Variants in BMP5 observed in about 807,000 individuals in gnomAD.
The protein encoded by BMP5 is bone morphogenetic protein 5.
BMP5 carries 23 observed loss-of-function variants against 46.6 expected under a neutral mutation model. That is an observed-to-expected ratio of 0.49 (90% confidence interval 0.35 to 0.70). The LOEUF (loss-of-function observed/expected upper bound fraction) is 0.70, where lower values mean the gene tolerates loss of function less well. Among genes scored for constraint, BMP5 ranks in the 30% least tolerant of loss-of-function variants. BMP5 has a pLI of 0.00. For missense variants in BMP5, 545 were observed against 565.6 expected (o/e 0.96, Z 0.37); for synonymous variants, 204 against 191.9 (o/e 1.06, Z -0.52).
intron 2 of BMP5, among the ~76,000 whole-genome samples, chr6:55,798,877 C>A (rs1319664566): frequency 6.6e-6 from 1 of 152,030 alleles, no homozygotes; most frequent in Non-Finnish European, 1.5e-5. Context: ...TGCATACATA[C>A]CTTGAGAATC....
At chr6:55,775,941 C>G (rs1775163723) in intron 3 of BMP5, among the ~76,000 whole-genome samples, 1 of 150,504 alleles carries the variant, frequency 6.6e-6, no homozygotes. Context: ...AAGGCTGCAT[C>G]AATTTAGACA....
chr6:55,841,570 C>G (rs904228680), intron 1 of BMP5, among the ~76,000 whole-genome samples: 6 of 151,862 alleles, frequency 4.0e-5, no homozygotes, highest in African/African-American at 1.5e-4. Context: ...ACTACAAGAC[C>G]AAACTCAAGG....
intron 4 of BMP5, among the ~76,000 whole-genome samples, chr6:55,766,775 C>T (rs371526417): frequency 2.0e-5 from 3 of 152,032 alleles, no homozygotes; most frequent in African/African-American, 7.2e-5. Context: ...ATACCACATT[C>T]CTCTCACATA....
At chr6:55,851,140 T>TGC (rs1032352108) in intron 1 of BMP5, among the ~76,000 whole-genome samples, 6 of 43,494 alleles carry the variant, frequency 1.4e-4, no homozygotes, top group Non-Finnish European at 2.6e-4. Flanking sequence ...TGTTTTGCTT[T>TGC]TTTTTTTTTT....
intron 6 of BMP5, among the ~76,000 whole-genome samples, 176 bp downstream of exon 6, chr6:55,758,829 C>A (rs1281883002): frequency 6.6e-6 from 1 of 151,804 alleles, no homozygotes; most frequent in African/African-American, 2.4e-5. Flanking sequence ...TTACTCTAAA[C>A]CAGCCCGAGT....
chr6:55,846,703 T>C (rs1777105681), intron 1 of BMP5, among the ~76,000 whole-genome samples: 1 of 151,902 alleles, frequency 6.6e-6, no homozygotes, highest in Non-Finnish European at 1.5e-5. Context: ...ATTTCTTGAA[T>C]GGAATGGGTT....
intron 4 of BMP5, among the ~76,000 whole-genome samples, chr6:55,770,934 T>C (rs1775033698): frequency 1.3e-5 from 2 of 151,788 alleles, no homozygotes; most frequent in Non-Finnish European, 2.9e-5. Flanking sequence ...CAATTACCAA[T>C]AAATATCAAA....
At chr6:55,757,465 C>T (rs1774637517) in intron 6 of BMP5, among the ~76,000 whole-genome samples, 1 of 151,952 alleles carries the variant, frequency 6.6e-6, no homozygotes, top group South Asian at 2.1e-4. Flanking sequence ...TTCATGTCAA[C>T]ATGAATTCTC....
In BMP5 at chr6:55,760,489, G is replaced by C; in HGVS notation, c.1072C>G (p.Leu358Val). 1 of 1,613,214 alleles carries C rather than the reference G, an allele frequency of 6.2e-7. No individual in the cohort carries two copies. The highest frequency in any genetic ancestry group is 8.5e-7 in the Non-Finnish European group (1 of 1,179,376). The change falls in exon 5 of 7, where the codon CTC (leucine) becomes GTC (valine). Residue 358 changes from leucine to valine, a missense_variant. Coordinates refer to ENST00000370830, the MANE Select transcript of BMP5 (RefSeq NM_021073.4). ...CCCAGATCCCGGAAGCTCACATAGA[G>C]TTCGTGCTTCTTACAGGCTTGTTTT... ...EQKQACKKHE[L>V]YVSFRDLGWQ...
At chr6:55,787,770 C>T (rs1158400109) in intron 3 of BMP5, among the ~76,000 whole-genome samples, 1 of 151,470 alleles carries the variant, frequency 6.6e-6, no homozygotes, top group Non-Finnish European at 1.5e-5. Context: ...GTCCTGATAA[C>T]AAAAGACTTT....
intron 1 of BMP5, among the ~76,000 whole-genome samples, chr6:55,847,630 T>C (rs1189332147): frequency 6.6e-6 from 1 of 152,054 alleles, no homozygotes; most frequent in Non-Finnish European, 1.5e-5. Flanking sequence ...TCAATGTATA[T>C]AAAAATGCAA....
intron 1 of BMP5, among the ~76,000 whole-genome samples, chr6:55,861,369 C>T (rs761485523): frequency 6.6e-6 from 1 of 152,218 alleles, no homozygotes; most frequent in South Asian, 2.1e-4. Context: ...CTCACTAATA[C>T]TTTATTCCAA....
At chr6:55,858,121 T>C (rs905283764) in intron 1 of BMP5, among the ~76,000 whole-genome samples, 1 of 152,248 alleles carries the variant, frequency 6.6e-6, no homozygotes, top group Non-Finnish European at 1.5e-5. Context: ...TTGAGCGTTT[T>C]ATAATTAAGT....
chr6:55,770,021 T>A (rs1775010393), intron 4 of BMP5, among the ~76,000 whole-genome samples: 1 of 151,942 alleles, frequency 6.6e-6, no homozygotes, highest in Non-Finnish European at 1.5e-5. Context: ...AGTAGATTAA[T>A]CATGATACTT....
chr6:55,803,153 G>C (rs1447527212), intron 2 of BMP5, among the ~76,000 whole-genome samples: 5 of 134,048 alleles, frequency 3.7e-5, no homozygotes, highest in Non-Finnish European at 1.6e-5. Context: ...GGGGTGGGGG[G>C]GTGGGGGGGG....
chr6:55,855,405 G>A (rs903080262), intron 1 of BMP5, among the ~76,000 whole-genome samples: 5 of 151,626 alleles, frequency 3.3e-5, no homozygotes, highest in African/African-American at 1.2e-4. Flanking sequence ...AAAGGGGGGG[G>A]ATTTTTAATA....
In BMP5 at chr6:55,847,247, T is replaced by A. The variant is rs569669659; in HGVS notation, c.490+27129A>T. Among the ~76,000 whole-genome samples, 3 of 152,092 alleles carry A rather than the reference T, an allele frequency of 2.0e-5. No individual in the cohort carries two copies. In the East Asian group the frequency reaches 5.8e-4, roughly 29 times the overall value. On this transcript the variant is annotated intron_variant, in intron 1 of 6. Transcript: ENST00000370830. Reference sequence around the variant, plus strand: ...GTGGTCATCTTTGCCAGACCCAGGATAAATATCCATGACTTCTCATCTTGT... The same window carrying A: ...GTGGTCATCTTTGCCAGACCCAGGAAAAATATCCATGACTTCTCATCTTGT...
At chr6:55,838,337 A>C (rs568833471) in intron 1 of BMP5, among the ~76,000 whole-genome samples, 26 of 152,322 alleles carry the variant, frequency 1.7e-4, no homozygotes, top group African/African-American at 6.3e-4. Context: ...AAGCCATATT[A>C]ACTGGGGTGA....
intron 1 of BMP5, among the ~76,000 whole-genome samples, chr6:55,848,056 C>G (rs1214349708): frequency 6.6e-6 from 1 of 151,928 alleles, no homozygotes; most frequent in Non-Finnish European, 1.5e-5. Flanking sequence ...CTTTCCTAGT[C>G]AAAACTGCTG....
Sources: gnomAD v4.1 joint callset for allele counts (sites outside exome capture counted in the v4.1 genomes callset) on GRCh38, gnomAD v4.1.1 for gene constraint, MANE v1.5 for transcripts, NCBI Gene and HGNC (gene_info 2026-07-23, HGNC 2026-07-21) for gene names.